PHIP: variants seen among roughly 807,000 people sequenced by gnomAD.
The protein encoded by PHIP is PH-interacting protein.
In PHIP, 54 loss-of-function variants were observed where a neutral mutation model predicts 236.8. The ratio of observed to expected loss-of-function variants is 0.23; its 90% confidence interval spans 0.18 to 0.29. PHIP has a LOEUF of 0.29. Among genes scored for constraint, PHIP ranks in the 10% least tolerant of loss-of-function variants. The probability of loss-of-function intolerance (pLI) is 1.00; values close to 1 mark genes in which losing one functional copy is unlikely to be tolerated. For missense variants in PHIP, 1,370 were observed against 2,190.8 expected (o/e 0.63, Z 7.48); for synonymous variants, 756 against 718.9 (o/e 1.05, Z -0.83).
intron 4 of PHIP, among the ~76,000 whole-genome samples, chr6:79,076,486 A>G (rs928517680): frequency 6.6e-6 from 1 of 152,212 alleles, no homozygotes; most frequent in African/African-American, 2.4e-5. Context: ...GTTACAGAAA[A>G]TATAGCTCCT....
At chr6:78,979,426 A>G (rs1233886075) in intron 23 of PHIP, among the ~76,000 whole-genome samples, 2 of 152,064 alleles carry the variant, frequency 1.3e-5, no homozygotes, top group African/African-American at 2.4e-5. Flanking sequence ...GACAGCCTAG[A>G]GTTTTTTTTT....
At chr6:78,945,263 A>T in intron 39 of PHIP, 37 bp downstream of exon 39, 1 of 1,367,788 alleles carries the variant, frequency 7.3e-7, no homozygotes, top group Non-Finnish European at 1.0e-6. Context: ...TATAATAAGG[A>T]TCTACTGTAT....
At chr6:79,020,097 G>C (rs114470909) in intron 9 of PHIP, among the ~76,000 whole-genome samples, 18 of 151,856 alleles carry the variant, frequency 1.2e-4, no homozygotes, top group African/African-American at 4.3e-4. Flanking sequence ...TCATTTACTG[G>C]AAAAAAGTAT....
intron 4 of PHIP, among the ~76,000 whole-genome samples, chr6:79,069,087 T>A (rs1193270487): frequency 2.6e-5 from 4 of 151,438 alleles, no homozygotes; most frequent in Admixed American, 6.6e-5. Flanking sequence ...AAAGGCCAGT[T>A]TATTGGAATA....
At chr6:79,054,402 G>A (rs1772965576) in intron 6 of PHIP, among the ~76,000 whole-genome samples, 1 of 145,490 alleles carries the variant, frequency 6.9e-6, no homozygotes. Context: ...TAGAAAAACA[G>A]AAAATGAGCT....
At chr6:79,058,919 C>T (rs897150937) in intron 6 of PHIP, among the ~76,000 whole-genome samples, 2 of 151,974 alleles carry the variant, frequency 1.3e-5, no homozygotes, top group African/African-American at 2.4e-5. Context: ...TTTATCTTTC[C>T]CTTCTTGCAG....
Position 79,015,170 on chromosome 6 carries a change from G to C in PHIP, c.1436C>G (p.Pro479Arg). 1 of 1,610,706 alleles carries C rather than the reference G, an allele frequency of 6.2e-7. No homozygotes were observed. The highest frequency in any genetic ancestry group is 1.3e-5 in the African/African-American group (1 of 74,876). The change falls in exon 15 of 40, where the codon CCT (proline) becomes CGT (arginine). Residue 479 changes from proline (P) to arginine (R), a missense_variant. Around this residue, in one of 14 missense-constraint regions of PHIP, gnomAD observed 188 missense variants for 354.3 expected, o/e 0.53. Coordinates refer to ENST00000275034, the MANE Select transcript of PHIP (RefSeq NM_017934.7). The part of the protein sequence containing the change: ...VFVLEPHPFD[P>R]RVLFSAGHDG... ...ATGACCAGCAGAAAAGAGAACTCTA[G>C]GATCGAACGGGTGTGGTTCAAGAAC...
At chr6:79,051,040 G>A (rs551911527) in intron 6 of PHIP, among the ~76,000 whole-genome samples, 38 of 152,150 alleles carry the variant, frequency 2.5e-4, no homozygotes, top group East Asian at 1.2e-3. Flanking sequence ...ATTTTGTTTC[G>A]GAGGGAATCA....
chr6:78,988,003 C>T (rs1006683989), intron 21 of PHIP, among the ~76,000 whole-genome samples: 1 of 152,052 alleles, frequency 6.6e-6, no homozygotes, highest in East Asian at 1.9e-4. Flanking sequence ...AATTAATTCA[C>T]GAGTTTATTT....
chr6:78,952,582 C>T (rs1297798388), intron 35 of PHIP, among the ~76,000 whole-genome samples: 2 of 152,004 alleles, frequency 1.3e-5, no homozygotes, highest in African/African-American at 4.8e-5. Flanking sequence ...ACCTCTTACC[C>T]TCTCCTTCAC....
chr6:79,018,596 A>G (rs544442230), intron 10 of PHIP, among the ~76,000 whole-genome samples: 1 of 152,108 alleles, frequency 6.6e-6, no homozygotes, highest in African/African-American at 2.4e-5. Flanking sequence ...GCTGCTGCAT[A>G]AACACAAATC....
intron 4 of PHIP, among the ~76,000 whole-genome samples, chr6:79,071,320 CAT>C (rs1212341089): frequency 7.2e-5 from 11 of 152,284 alleles, no homozygotes; most frequent in Admixed American, 5.9e-4. Context: ...CAAGAAAAAA[CAT>C]GTTATCATTT....
At chr6:79,039,121 A>T (rs1439319956) in intron 7 of PHIP, among the ~76,000 whole-genome samples, 3 of 152,162 alleles carry the variant, frequency 2.0e-5, no homozygotes, top group Non-Finnish European at 4.4e-5. Flanking sequence ...ATAATGCAAA[A>T]GGGTTCAATG....
intron 6 of PHIP, among the ~76,000 whole-genome samples, chr6:79,048,145 C>CTTTATTATTTGTTA (rs1772596123): frequency 6.6e-6 from 1 of 151,494 alleles, no homozygotes; most frequent in South Asian, 2.1e-4. Flanking sequence ...AATGTTGTAT[C>CTTTATTATTTGTTA]TTTATTATTT....
chr6:79,033,454 C>T (rs1183301408), intron 7 of PHIP, among the ~76,000 whole-genome samples: 1 of 152,204 alleles, frequency 6.6e-6, no homozygotes, highest in African/African-American at 2.4e-5. Context: ...TAATTTGCGG[C>T]AACTACTTCA....
chr6:78,998,666 G>A (rs1269352835), intron 17 of PHIP, among the ~76,000 whole-genome samples: 1 of 152,034 alleles, frequency 6.6e-6, no homozygotes, highest in East Asian at 1.9e-4. Context: ...ACTCCATTAG[G>A]TATGTATAAA....
chr6:78,970,277 G>T, intron 25 of PHIP, 104 bp from the exon 26 acceptor site: 1 of 908,016 alleles, frequency 1.1e-6, no homozygotes, highest in Non-Finnish European at 1.7e-6. Flanking sequence ...ATCTTGATCT[G>T]GATGGTGATG....
intron 7 of PHIP, among the ~76,000 whole-genome samples, chr6:79,028,078 A>G (rs1216804672): frequency 6.6e-6 from 1 of 152,138 alleles, no homozygotes; most frequent in East Asian, 1.9e-4. Context: ...ATGTGACTAT[A>G]AAGTATGGTC....
intron 35 of PHIP, among the ~76,000 whole-genome samples, chr6:78,953,896 A>G (rs998587849): frequency 5.9e-5 from 9 of 152,048 alleles, no homozygotes; most frequent in African/African-American, 1.4e-4. Context: ...CCTGAACTAT[A>G]TAACATTTAA....
Sources: gnomAD v4.1 joint callset for allele counts (sites outside exome capture counted in the v4.1 genomes callset) on GRCh38, gnomAD v4.1.1 for gene constraint, gnomAD v4.1.1 regional missense constraint, MANE v1.5 for transcripts, NCBI Gene and HGNC (gene_info 2026-07-23, HGNC 2026-07-21) for gene names.